RIMS1: variants seen among roughly 807,000 people sequenced by gnomAD.
RIMS1 encodes the protein regulating synaptic membrane exocytosis protein 1.
RIMS1 carries 83 observed loss-of-function variants against 214.1 expected under a neutral mutation model. The observed-to-expected ratio is 0.39, with a 90% CI of 0.32 to 0.47. The LOEUF (loss-of-function observed/expected upper bound fraction) is 0.47, where lower values mean the gene tolerates loss of function less well. Ranked by LOEUF, RIMS1 falls within the 20% of genes least tolerant of loss-of-function variation. The probability of loss-of-function intolerance (pLI) is 0.99; values close to 1 mark genes in which losing one functional copy is unlikely to be tolerated. For missense variants in RIMS1, 2,050 were observed against 2,161.8 expected (o/e 0.95, Z 1.03); for synonymous variants, 793 against 786.8 (o/e 1.01, Z -0.13).
chr6:72,379,254 T>C (rs530020101), intron 29 of RIMS1, among the ~76,000 whole-genome samples: 2 of 152,396 alleles, frequency 1.3e-5, no homozygotes, highest in Non-Finnish European at 2.9e-5. Flanking sequence ...TGGGCTGTTA[T>C]GGCGACTCCT....
intron 29 of RIMS1, among the ~76,000 whole-genome samples, chr6:72,358,367 C>CT (rs1215249154): frequency 2.0e-5 from 3 of 151,674 alleles, no homozygotes; most frequent in East Asian, 1.9e-4. Flanking sequence ...GTACTTTTCT[C>CT]TTTTTTTTAG....
chr6:72,078,665 C>CACAAA (rs1832514885), intron 2 of RIMS1, among the ~76,000 whole-genome samples: 1 of 151,760 alleles, frequency 6.6e-6, no homozygotes, highest in Non-Finnish European at 1.5e-5. Flanking sequence ...TTAGGAGAAG[C>CACAAA]AAAAACAAAC....
At chr6:72,280,296 G>C (rs1482150868) in intron 23 of RIMS1, among the ~76,000 whole-genome samples, 1 of 151,900 alleles carries the variant, frequency 6.6e-6, no homozygotes, top group African/African-American at 2.4e-5. Context: ...ATTCATTTTA[G>C]TATGATCTAT....
chr6:72,260,745 G>A lies in RIMS1; in HGVS notation c.3094G>A (p.Ala1032Thr). ...GCCCAGAGCAAAACGAGGACGAAGT[G>A]CAGAATGCCTACATACTACCAGGTA... ...MLPRAKRGRS[A>T]ECLHTTRHLV... Residue 1032 changes from alanine to threonine, a missense_variant, in exon 19 of 34, where the codon GCA (alanine) becomes ACA (threonine). Transcript: ENST00000521978. 1 of 1,612,404 alleles carries A rather than the reference G, an allele frequency of 6.2e-7. No individual in the cohort carries two copies. The highest frequency in any genetic ancestry group is 8.5e-7 in the Non-Finnish European group (1 of 1,178,936).
intron 2 of RIMS1, among the ~76,000 whole-genome samples, chr6:72,003,157 A>G (rs566797928): frequency 5.9e-5 from 9 of 152,116 alleles, no homozygotes; most frequent in East Asian, 1.9e-4. Flanking sequence ...GGTGACTGTG[A>G]TAGGTTGGGT....
intron 2 of RIMS1, among the ~76,000 whole-genome samples, chr6:72,023,000 T>A (rs557241931): frequency 6.6e-6 from 1 of 152,324 alleles, no homozygotes; most frequent in African/African-American, 2.4e-5. Flanking sequence ...TTTCATTCCC[T>A]TACCTTTGAC....
intron 2 of RIMS1, among the ~76,000 whole-genome samples, chr6:72,010,064 C>T (rs1231862111): frequency 3.9e-5 from 6 of 152,060 alleles, no homozygotes; most frequent in African/African-American, 9.7e-5. Context: ...TGATGAACAT[C>T]GATGCAAAAA....
At chr6:72,398,197 T>C in intron 31 of RIMS1, 52 bp from the exon 32 acceptor site, 1 of 1,148,466 alleles carries the variant, frequency 8.7e-7, no homozygotes, top group Non-Finnish European at 1.3e-6. Context: ...TTGTTTTAAC[T>C]GCACATAACT....
intron 1 of RIMS1, among the ~76,000 whole-genome samples, chr6:71,890,597 A>AAACC (rs1769472587): frequency 1.7e-5 from 1 of 60,516 alleles, no homozygotes; most frequent in African/African-American, 1.1e-4. Context: ...AAAAAAAAAA[A>AAACC]CTTCATAGAG....
intron 1 of RIMS1, among the ~76,000 whole-genome samples, chr6:71,890,897 A>G (rs1481494960): frequency 6.6e-6 from 1 of 151,920 alleles, no homozygotes; most frequent in East Asian, 1.9e-4. Context: ...AGAATTTAGT[A>G]ATATCCTAAA....
chr6:72,363,265 CA>C (rs1215287084), intron 29 of RIMS1, among the ~76,000 whole-genome samples: 3 of 151,862 alleles, frequency 2.0e-5, no homozygotes, highest in Admixed American at 6.6e-5. Flanking sequence ...AAAAAAAGGT[CA>C]AAAAAGTAGA....
At chr6:72,292,110 C>G in intron 26 of RIMS1, 64 bp downstream of exon 26, 1 of 960,130 alleles carries the variant, frequency 1.0e-6, no homozygotes, top group Non-Finnish European at 1.6e-6. Flanking sequence ...CTATTTATAC[C>G]CCTTTTATTA....
intron 1 of RIMS1, among the ~76,000 whole-genome samples, chr6:71,895,257 A>C (rs1562139103): frequency 6.6e-6 from 1 of 152,252 alleles, no homozygotes; most frequent in Non-Finnish European, 1.5e-5. Flanking sequence ...AGTATTGCTT[A>C]ATATTTGAAG....
rs549595663 is a variant in RIMS1, at chr6:72,208,518, T to C, written c.1679-25255T>C. ...AATTGGAATCCTTTTTCTTCTGACA[T>C]GTTTTTTGTCTTTTACAGAGAAATA... On this transcript the variant is annotated intron_variant, in intron 6 of 33. Transcript: ENST00000521978. Among the ~76,000 whole-genome samples the C allele has an allele frequency of 6.4e-4, 98 of 152,334 alleles. 1 individual carries two copies. The highest frequency in any genetic ancestry group is 9.0e-4 in the Non-Finnish European group (61 of 68,012).
intron 2 of RIMS1, among the ~76,000 whole-genome samples, chr6:72,041,173 A>C (rs1047983175): frequency 1.3e-4 from 19 of 151,920 alleles, no homozygotes; most frequent in African/African-American, 3.6e-4. Context: ...AAAATAAACA[A>C]ACTGAAGTTC....
chr6:71,989,450 G>C (rs1017843477), intron 2 of RIMS1, among the ~76,000 whole-genome samples: 1 of 152,122 alleles, frequency 6.6e-6, no homozygotes, highest in African/African-American at 2.4e-5. Context: ...CACTCACCAG[G>C]GGGTAGCCTG....
chr6:72,390,785 A>G (rs367931586), intron 30 of RIMS1, 49 bp downstream of exon 30: 1 of 1,592,494 alleles, frequency 6.3e-7, no homozygotes, highest in South Asian at 1.1e-5. Context: ...GGAATTGTGT[A>G]CTAATCAGTA....
At chr6:72,304,862 G>T (rs959482034) in intron 26 of RIMS1, among the ~76,000 whole-genome samples, 2 of 151,928 alleles carry the variant, frequency 1.3e-5, no homozygotes, top group Non-Finnish European at 2.9e-5. Flanking sequence ...GTTGGAATCC[G>T]AGAGCAAGAG....
intron 9 of RIMS1, among the ~76,000 whole-genome samples, chr6:72,238,616 T>TA (rs548822114): frequency 2.0e-5 from 3 of 152,284 alleles, no homozygotes; most frequent in East Asian, 3.9e-4. Flanking sequence ...TCATTTTTGT[T>TA]AAAATCACAT....
Sources: allele counts gnomAD v4.1 joint callset (sites outside exome capture counted in the v4.1 genomes callset), GRCh38; gene constraint gnomAD v4.1.1; transcripts MANE v1.5; gene names NCBI Gene and HGNC (gene_info 2026-07-23, HGNC 2026-07-21).